The following WDR72 variants were observed in gnomAD, a reference collection of about 807,000 sequenced individuals.
The protein encoded by WDR72 is WD repeat-containing protein 72.
In WDR72, 120 loss-of-function variants were observed where a neutral mutation model predicts 124.2. The ratio of observed to expected loss-of-function variants is 0.97; its 90% CI spans 0.83 to 1.12. WDR72 has a LOEUF of 1.12. Ranked by LOEUF, WDR72 falls within the 50% of genes most tolerant of loss-of-function variation. The pLI is 0.00. For missense variants in WDR72, 1,387 were observed against 1,278.8 expected (o/e 1.08, Z -1.29); for synonymous variants, 452 against 441.7 (o/e 1.02, Z -0.29).
At chr15:53,691,939 A>G (rs2016858922) in intron 13 of WDR72, among the ~76,000 whole-genome samples, 1 of 152,212 alleles carries the variant, frequency 6.6e-6, no homozygotes, top group African/African-American at 2.4e-5. Flanking sequence ...ATATTTTTTC[A>G]TTCAATAAAT....
chr15:53,598,469 T>C (rs2012886447), intron 17 of WDR72, among the ~76,000 whole-genome samples: 1 of 152,008 alleles, frequency 6.6e-6, no homozygotes, highest in Non-Finnish European at 1.5e-5. Context: ...GAACGTGTAT[T>C]TATGTAAACA....
intron 13 of WDR72, among the ~76,000 whole-genome samples, chr15:53,670,578 T>C (rs540964667): frequency 2.0e-5 from 3 of 152,328 alleles, no homozygotes; most frequent in Admixed American, 6.5e-5. Flanking sequence ...AGGGGCAGAC[T>C]CTGGCATCAG....
At chr15:53,654,617 T>TG (rs2015352869) in intron 14 of WDR72, among the ~76,000 whole-genome samples, 1 of 152,222 alleles carries the variant, frequency 6.6e-6, no homozygotes, top group Admixed American at 6.5e-5. Flanking sequence ...TCTGAGGTAC[T>TG]GTGTGTTATA....
Position 53,702,212 on chromosome 15 carries a change from A to T in WDR72, c.1491T>A (p.Phe497Leu). The T allele has an allele frequency of 6.2e-7, 1 of 1,614,142 alleles. No individual in the cohort carries two copies. Among genetic ancestry groups the T allele is most frequent in the Non-Finnish European group, 8.5e-7 (1 of 1,180,028 alleles). Residue 497 changes from phenylalanine (F) to leucine (L), a missense_variant, in exon 12 of 20, where the codon TTT becomes TTA. Physicochemically the swap from Phe to Leu is conservative, Grantham distance 22. Coordinates refer to ENST00000360509, the MANE Select transcript of WDR72 (RefSeq NM_182758.4). ...LDSCVILWDI[F>L]TEEILHKFFL... is the part of the protein sequence containing the mutation. ...AGAATTTATGCAAAATTTCTTCAGT[A>T]AAGATATCCCACAAGATCACACATG...
At chr15:53,630,972 CA>C (rs200723897) in intron 14 of WDR72, among the ~76,000 whole-genome samples, 4 of 151,834 alleles carry the variant, frequency 2.6e-5, no homozygotes, top group Admixed American at 6.6e-5. Context: ...AAGGTATCCA[CA>C]AAAAAAACCT....
chr15:53,729,845 T>C (rs2018150567), intron 2 of WDR72, among the ~76,000 whole-genome samples: 1 of 152,064 alleles, frequency 6.6e-6, no homozygotes, highest in Admixed American at 6.6e-5. Flanking sequence ...TACAGGGAAA[T>C]TGGTTGCCCT....
chr15:53,700,011 T>A, intron 12 of WDR72, 66 bp from the exon 13 acceptor site: 2 of 1,597,148 alleles, frequency 1.3e-6, no homozygotes, highest in South Asian at 1.1e-5. Context: ...TAAGTCAGAT[T>A]TTTTTCTCCC....
chr15:53,580,361 G>A (rs2011851294), intron 18 of WDR72, among the ~76,000 whole-genome samples: 1 of 152,050 alleles, frequency 6.6e-6, no homozygotes, highest in Non-Finnish European at 1.5e-5. Flanking sequence ...GAATGCAGGA[G>A]AAAACCTCTG....
chr15:53,529,885 A>G (rs1016712983), intron 18 of WDR72, among the ~76,000 whole-genome samples: 2 of 152,002 alleles, frequency 1.3e-5, no homozygotes, highest in African/African-American at 4.8e-5. Flanking sequence ...TACAAAGAGA[A>G]AACGTGTAGG....
intron 11 of WDR72, among the ~76,000 whole-genome samples, chr15:53,704,689 C>CT (rs66465971): frequency 0.064 from 7,916 of 123,590 alleles, 365 homozygotes; most frequent in African/African-American, 0.079. Flanking sequence ...CCATGCCCAG[C>CT]TTTTTTTTTT....
chr15:53,578,141 AC>A (rs1378248020), intron 18 of WDR72, among the ~76,000 whole-genome samples: 1 of 152,128 alleles, frequency 6.6e-6, no homozygotes, highest in Non-Finnish European at 1.5e-5. Flanking sequence ...TGTACTGGGT[AC>A]CCAGCACTGA....
chr15:53,531,597 T>C (rs560919811), intron 18 of WDR72, among the ~76,000 whole-genome samples: 1 of 152,154 alleles, frequency 6.6e-6, no homozygotes, highest in South Asian at 2.1e-4. Context: ...TGATATTACA[T>C]AAGCTACTGA....
Position 53,517,756 on chromosome 15 carries a change from T to TGGACTCTC in WDR72, c.3254-3_3254-2insGAGAGTCC. On this transcript the variant is annotated splice_region_variant and splice_polypyrimidine_tract_variant and intron_variant, in intron 19 of 19. Transcript: ENST00000360509. ...TCCATGAATGATGCCTTGGCTCACC[T>TGGACTCTC]AGGAAAAAAGCAGATATCTTGGGTT... The TGGACTCTC allele has an allele frequency of 6.2e-7, 1 of 1,611,904 alleles. No individual in the cohort carries two copies. The highest frequency in any genetic ancestry group is 8.5e-7 in the Non-Finnish European group (1 of 1,179,018).
At position 53,578,094 on chromosome 15, in the gene WDR72, C is replaced by T. The variant is rs182094265; in HGVS notation, c.3148+18985G>A. ...AATGCATATTGCAATTCAAGAATTC[C>T]CTGCCATCTATTTGTTTATCATATG... On this transcript the variant is annotated intron_variant, in intron 18 of 19. Coordinates refer to ENST00000360509, the MANE Select transcript of WDR72 (RefSeq NM_182758.4). Among the ~76,000 whole-genome samples the T allele has an allele frequency of 2.0e-5, 3 of 152,062 alleles. No individual in the cohort carries two copies. The East Asian group carries it at 5.8e-4, about 30-fold the overall frequency.
At chr15:53,531,915 G>C (rs528445605) in intron 18 of WDR72, among the ~76,000 whole-genome samples, 1 of 152,090 alleles carries the variant, frequency 6.6e-6, no homozygotes, top group African/African-American at 2.4e-5. Context: ...GGGTTCTTGA[G>C]TTGTGAAATG....
chr15:53,711,162 T>G (rs1404966820), intron 8 of WDR72, 174 bp downstream of exon 8: 1 of 958,918 alleles, frequency 1.0e-6, no homozygotes, highest in Non-Finnish European at 1.6e-6. Flanking sequence ...CTCCATCCCC[T>G]GCTGTTTTGT....
chr15:53,524,997 C>T (rs1359123198), intron 18 of WDR72, among the ~76,000 whole-genome samples: 1 of 151,958 alleles, frequency 6.6e-6, no homozygotes, highest in Non-Finnish European at 1.5e-5. Context: ...GTTCAATTTC[C>T]TTGTTAGGCC....
intron 13 of WDR72, among the ~76,000 whole-genome samples, chr15:53,682,939 C>T (rs1464615215): frequency 6.6e-6 from 1 of 152,126 alleles, no homozygotes; most frequent in Non-Finnish European, 1.5e-5. Flanking sequence ...AATTGACTCA[C>T]ATTTCTTTAT....
Position 53,609,514 on chromosome 15 carries a change from T to G in WDR72, c.2951A>C (p.Gln984Pro), listed in dbSNP as rs746882883. Residue 984 changes from glutamine to proline, a missense_variant and splice_region_variant, in exon 17 of 20, where the codon CAG becomes CCG. Coordinates refer to ENST00000360509, the MANE Select transcript of WDR72 (RefSeq NM_182758.4). ...TCATGAATGTGAATTATATCATACCTGCACAGACTGGTCTCTCCAACAGGA... is the reference window on the plus strand; with the variant it reads ...TCATGAATGTGAATTATATCATACCGGCACAGACTGGTCTCTCCAACAGGA... ...LISCWRDQSV[Q>P]VTEAIQAVLL... The G allele has an allele frequency of 2.5e-6, 4 of 1,612,940 alleles. No homozygotes were observed. The Admixed American group carries it at 6.7e-5, about 27-fold the overall frequency.
Sources: gnomAD v4.1 joint callset for allele counts (sites outside exome capture counted in the v4.1 genomes callset) on GRCh38, gnomAD v4.1.1 for gene constraint, MANE v1.5 for transcripts, NCBI Gene and HGNC (gene_info 2026-07-23, HGNC 2026-07-21) for gene names.